Variants in CADM2 observed in about 807,000 individuals in gnomAD.
CADM2 encodes cell adhesion molecule 2, also known as immunoglobulin superfamily member 4D.
Under a neutral mutation model 49.8 loss-of-function variants are expected in CADM2, and 12 were observed. That is an observed-to-expected ratio of 0.24 (90% CI 0.15 to 0.39). The LOEUF (loss-of-function observed/expected upper bound fraction) is 0.39, where lower values mean the gene tolerates loss of function less well. Among genes scored for constraint, CADM2 ranks in the 10% least tolerant of loss-of-function variants. CADM2 has a pLI of 1.00. For missense variants in CADM2, 378 were observed against 492.3 expected (o/e 0.77, Z 2.20); for synonymous variants, 214 against 175.4 (o/e 1.22, Z -1.74).
chr3:85,001,385 GTCTA>G (rs1302899189), intron 1 of CADM2, among the ~76,000 whole-genome samples: 1 of 151,308 alleles, frequency 6.6e-6, no homozygotes, highest in East Asian at 1.9e-4. Context: ...CTATCCATCC[GTCTA>G]TCTATCTACC....
intron 3 of CADM2, among the ~76,000 whole-genome samples, chr3:85,852,997 T>G (rs943608826): frequency 1.3e-5 from 2 of 152,066 alleles, no homozygotes; most frequent in Non-Finnish European, 2.9e-5. Context: ...AATATTTACT[T>G]TAAAACGAAT....
chr3:85,756,009 ACT>A (rs988281442), intron 2 of CADM2, among the ~76,000 whole-genome samples: 1 of 151,998 alleles, frequency 6.6e-6, no homozygotes, highest in African/African-American at 2.4e-5. Flanking sequence ...CTCCCTTGAC[ACT>A]CTCTAAGAGG....
intron 1 of CADM2, among the ~76,000 whole-genome samples, chr3:85,008,078 A>G (rs2033824074): frequency 6.6e-6 from 1 of 152,180 alleles, no homozygotes; most frequent in South Asian, 2.1e-4. Context: ...TGCCTCAGAG[A>G]GCAGTTGGCT....
intron 8 of CADM2, among the ~76,000 whole-genome samples, chr3:86,016,957 A>G (rs926125720): frequency 2.6e-5 from 4 of 152,064 alleles, no homozygotes; most frequent in Non-Finnish European, 5.9e-5. Flanking sequence ...GAGAATACTT[A>G]GAAAAACAAA....
At chr3:85,532,072 G>C (rs1180146935) in intron 1 of CADM2, among the ~76,000 whole-genome samples, 1 of 152,168 alleles carries the variant, frequency 6.6e-6, no homozygotes, top group Non-Finnish European at 1.5e-5. Context: ...AGCGACTCTG[G>C]AGGCTGAGGC....
intron 3 of CADM2, among the ~76,000 whole-genome samples, chr3:85,825,146 C>A (rs1174764024): frequency 1.3e-5 from 2 of 152,002 alleles, no homozygotes; most frequent in Non-Finnish European, 2.9e-5. Context: ...ATCTAAGCAT[C>A]TGAGAACAGC....
At chr3:85,498,056 T>A (rs2039974884) in intron 1 of CADM2, among the ~76,000 whole-genome samples, 1 of 151,998 alleles carries the variant, frequency 6.6e-6, no homozygotes, top group Non-Finnish European at 1.5e-5. Flanking sequence ...TGGCAAAAAA[T>A]TTGGGGCCCA....
At chr3:85,226,703 C>A (rs1367284478) in intron 1 of CADM2, among the ~76,000 whole-genome samples, 2 of 151,716 alleles carry the variant, frequency 1.3e-5, no homozygotes, top group African/African-American at 2.4e-5. Context: ...TTCTCTAGTT[C>A]TTTTAATTTT....
Position 85,844,826 on chromosome 3 carries a change from A to G in CADM2, c.239-38465A>G, listed in dbSNP as rs1194472296. Among the ~76,000 whole-genome samples the G allele has an allele frequency of 5.3e-5, 8 of 152,000 alleles. No homozygotes were observed. In the East Asian group the frequency reaches 1.5e-3, roughly 29 times the overall value. On this transcript the variant is annotated intron_variant, in intron 3 of 9. Transcript: ENST00000383699. ...TAATTAACTGGATTCTCTGGAGTTGACTTTTCTTCTTCAGTCTAATTCCTG... is the reference window on the plus strand; with the variant it reads ...TAATTAACTGGATTCTCTGGAGTTGGCTTTTCTTCTTCAGTCTAATTCCTG...
chr3:85,889,557 C>G (rs1714137021), intron 5 of CADM2, among the ~76,000 whole-genome samples: 1 of 152,112 alleles, frequency 6.6e-6, no homozygotes, highest in Admixed American at 6.6e-5. Flanking sequence ...ATACAGAAGT[C>G]CTGCCTCTGT....
chr3:85,964,288 A>C (rs993148206), intron 8 of CADM2, among the ~76,000 whole-genome samples: 1 of 151,796 alleles, frequency 6.6e-6, no homozygotes, highest in African/African-American at 2.4e-5. Flanking sequence ...TGATAATTTA[A>C]TATAGCTCTA....
intron 1 of CADM2, among the ~76,000 whole-genome samples, chr3:85,437,796 A>G (rs2037002156): frequency 6.6e-6 from 1 of 151,986 alleles, no homozygotes; most frequent in Admixed American, 6.6e-5. Flanking sequence ...TTTTCTAAAT[A>G]TAAAACTCCA....
At chr3:85,058,183 C>G (rs2107433085) in intron 1 of CADM2, among the ~76,000 whole-genome samples, 1 of 152,152 alleles carries the variant, frequency 6.6e-6, no homozygotes, top group African/African-American at 2.4e-5. Context: ...AGGTGTAAAA[C>G]TAGTTTGTTC....
chr3:85,940,667 G>A (rs1721781999), intron 7 of CADM2, among the ~76,000 whole-genome samples: 1 of 152,000 alleles, frequency 6.6e-6, no homozygotes. Flanking sequence ...ATTGAGATCT[G>A]TATGTTATTT....
intron 1 of CADM2, among the ~76,000 whole-genome samples, chr3:85,014,864 A>G (rs892814119): frequency 6.6e-6 from 1 of 152,178 alleles, no homozygotes; most frequent in Non-Finnish European, 1.5e-5. Context: ...AAGGGACTAC[A>G]TAGGATGTGA....
intron 1 of CADM2, among the ~76,000 whole-genome samples, chr3:85,543,733 C>G (rs1362492936): frequency 6.6e-6 from 1 of 152,154 alleles, no homozygotes; most frequent in Non-Finnish European, 1.5e-5. Flanking sequence ...GCCTCTTACT[C>G]TGCTATCACA....
intron 8 of CADM2, among the ~76,000 whole-genome samples, chr3:85,995,014 T>TAAAAAAAAAAAAAAAAAAA (rs59038758): frequency 9.6e-5 from 8 of 83,018 alleles, no homozygotes; most frequent in Non-Finnish European, 1.1e-4. Context: ...TTCGATTTGT[T>TAAAAAAAAAAAAAAAAAAA]AAAAAAAAAA....
chr3:84,984,356 TAAAAAAAAAAAAAAAAAA>T (rs375702349), intron 1 of CADM2, among the ~76,000 whole-genome samples: 2 of 67,064 alleles, frequency 3.0e-5, no homozygotes, highest in East Asian at 8.4e-4. Context: ...AAGATTAAGC[TAAAAAAAAAAAAAAAAAA>T]AAAAAAAAAA....
chr3:86,058,646 A>T (rs1738267174), intron 8 of CADM2, among the ~76,000 whole-genome samples: 1 of 152,230 alleles, frequency 6.6e-6, no homozygotes, highest in South Asian at 2.1e-4. Context: ...ATATAATAAC[A>T]ATTGAATAAT....
Sources: gnomAD v4.1 joint callset for allele counts (sites outside exome capture counted in the v4.1 genomes callset) on GRCh38, gnomAD v4.1.1 for gene constraint, MANE v1.5 for transcripts, NCBI Gene and HGNC (gene_info 2026-07-23, HGNC 2026-07-21) for gene names.